MARK1: variants seen among roughly 807,000 people sequenced by gnomAD.
MARK1 encodes the protein microtubule affinity regulating kinase 1.
A neutral mutation model predicts 96.3 loss-of-function variants in MARK1; 40 were observed. The ratio of observed to expected loss-of-function variants is 0.42; its 90% confidence interval spans 0.32 to 0.54. MARK1 has a LOEUF of 0.54. MARK1 is among the 20% of genes least tolerant of loss of function. MARK1 has a pLI of 0.16. For synonymous variants in MARK1, 317 were observed against 341.2 expected (o/e 0.93, Z 0.78); for missense variants, 719 against 984.6 (o/e 0.73, Z 3.61).
At chr1:220,597,202 T>A (rs1309363808) in intron 3 of MARK1, among the ~76,000 whole-genome samples, 3 of 152,168 alleles carry the variant, frequency 2.0e-5, no homozygotes, top group Non-Finnish European at 4.4e-5. Flanking sequence ...GAGTCTCTGC[T>A]TTCAATTCTT....
chr1:220,645,175 A>T (rs1214957539), intron 13 of MARK1, among the ~76,000 whole-genome samples: 1 of 152,162 alleles, frequency 6.6e-6, no homozygotes, highest in Non-Finnish European at 1.5e-5. Flanking sequence ...CACTAGGTAG[A>T]CTAATAAAGA....
rs1365814603 is a variant in MARK1 at position 220,598,346 on chromosome 1, C to T, written c.325C>T (p.Arg109Ter). 1.7e-6 allele frequency: 1 copy of T among 590,838 alleles called. No homozygotes were observed. Among genetic ancestry groups the T allele is most frequent in the Admixed American group, 2.6e-5 (1 of 38,602 alleles). 36.6% of individuals were successfully genotyped at this position (590,838 alleles called of 1,614,324 possible). A position where few individuals can be genotyped will look rare whatever the true frequency, so the allele number is the denominator to read the frequency against. The stretch of plus-strand genomic sequence containing the variant: ...TCTTTAACAGTTATTTCGAGAAGTA[C>T]GAATAATGAAGATACTGAATCATCC... ...TSLQKLFREV[R>*]IMKILNHPNI... Residue 109 changes from arginine to a stop codon, truncating the protein, a stop_gained, in exon 4 of 18, where the codon CGA becomes TGA. Coordinates refer to ENST00000366917, the MANE Select transcript of MARK1 (RefSeq NM_018650.5). LOFTEE classifies it high-confidence loss of function.
intron 1 of MARK1, among the ~76,000 whole-genome samples, chr1:220,578,279 A>ACAAAGCTAGACAAGAGCAGGAACAAT (rs1187490655): frequency 3.3e-5 from 5 of 152,356 alleles, no homozygotes; most frequent in African/African-American, 1.2e-4. Flanking sequence ...CAAAATGCAG[A>ACAAAGCTAGACAAGAGCAGGAACAAT]CAAAGCTAGA....
In MARK1 at chr1:220,631,153, T is replaced by C. The variant is rs1667661441; in HGVS notation, c.1009+19T>C. On this transcript the variant is annotated intron_variant, in intron 10 of 17. Transcript: ENST00000366917. ...AGAATAGGTAAGTATTTAAACATGG[T>C]AAGAAGTGCTGTCCCTAGGCAACAA... 1.3e-6 allele frequency: 2 copies of C among 1,545,080 alleles called. No homozygotes were observed. The highest frequency in any genetic ancestry group is 8.9e-7 in the Non-Finnish European group (1 of 1,118,416).
At position 220,618,215 on chromosome 1, in the gene MARK1, AAGAG is replaced by A; in HGVS notation, c.553-93_553-90del. 1 of 760,810 alleles carries A rather than the reference AAGAG, an allele frequency of 1.3e-6. No homozygotes were observed. Among genetic ancestry groups the A allele is most frequent in the Non-Finnish European group, 2.2e-6 (1 of 456,878 alleles). 47.1% of individuals were successfully genotyped at this position (760,810 alleles called of 1,614,324 possible). On this transcript the variant is annotated intron_variant, in intron 7 of 17. Coordinates refer to ENST00000366917, the MANE Select transcript of MARK1 (RefSeq NM_018650.5). This position sits in a 1 kb window ranked among gnomAD's most constrained non-coding sequence, Gnocchi z 4.6. ...GATACTACATTTAGAAATGAGGGGC[AAGAG>A]ATATGTAAGTTTGGAAGCTAAAACT... is the stretch of plus-strand genomic sequence containing the variant.
At chr1:220,573,809 TGTAGTATATA>T (rs1663647482) in intron 1 of MARK1, among the ~76,000 whole-genome samples, 1 of 71,790 alleles carries the variant, frequency 1.4e-5, no homozygotes, top group African/African-American at 3.8e-5. Flanking sequence ...GTAGTATATA[TGTAGTATATA>T]TTGTAGTATA....
At chr1:220,620,731 T>C (rs1667010671) in intron 9 of MARK1, among the ~76,000 whole-genome samples, 1 of 152,146 alleles carries the variant, frequency 6.6e-6, no homozygotes, top group Non-Finnish European at 1.5e-5. Flanking sequence ...CTCATTCTAA[T>C]ATATTTCAGT....
intron 10 of MARK1, among the ~76,000 whole-genome samples, chr1:220,631,374 A>G (rs1031209331): frequency 6.6e-6 from 1 of 152,216 alleles, no homozygotes; most frequent in Non-Finnish European, 1.5e-5. Context: ...TAATGTAAAT[A>G]AATCGAATTC....
intron 16 of MARK1, among the ~76,000 whole-genome samples, chr1:220,655,617 A>T (rs539759919): frequency 6.6e-6 from 1 of 152,182 alleles, no homozygotes; most frequent in Non-Finnish European, 1.5e-5. Flanking sequence ...CAGCATTTCC[A>T]GGATTTAACT....
chr1:220,607,830 TTTG>T (rs1014615121), intron 6 of MARK1, among the ~76,000 whole-genome samples: 1 of 151,968 alleles, frequency 6.6e-6, no homozygotes, highest in African/African-American at 2.4e-5. Flanking sequence ...GTTTTCATTG[TTTG>T]TTGTTTATGT....
chr1:220,590,336 G>A (rs1208935940), intron 3 of MARK1, among the ~76,000 whole-genome samples: 1 of 152,188 alleles, frequency 6.6e-6, no homozygotes, highest in African/African-American at 2.4e-5. Flanking sequence ...TGACTTAACA[G>A]AAATTTTCTC....
intron 3 of MARK1, among the ~76,000 whole-genome samples, chr1:220,582,481 TA>T (rs1028144829): frequency 6.6e-6 from 1 of 152,200 alleles, no homozygotes; most frequent in African/African-American, 2.4e-5. Flanking sequence ...GGAACCCACT[TA>T]AAATGCACAA....
rs1403061203 is a variant in MARK1 at position 220,654,512 on chromosome 1, C to G, written c.1988+1160C>G. 6.6e-6 allele frequency among the ~76,000 whole-genome samples: 1 copy of G among 152,102 alleles called. No individual in the cohort carries two copies. The highest frequency in any genetic ancestry group is 2.4e-5 in the African/African-American group (1 of 41,408). The stretch of plus-strand genomic sequence containing the variant: ...CCTCAAATGTAACATAAATTTCTAA[C>G]CATATCAGTCAGTGACTTTGTACCA... On this transcript the variant is annotated intron_variant, in intron 16 of 17. Coordinates refer to ENST00000366917, the MANE Select transcript of MARK1 (RefSeq NM_018650.5). This position sits in a 1 kb window ranked among gnomAD's most constrained non-coding sequence, Gnocchi z 4.0.
chr1:220,656,017 C>T (rs1192063137), intron 16 of MARK1, among the ~76,000 whole-genome samples: 1 of 152,190 alleles, frequency 6.6e-6, no homozygotes, highest in East Asian at 1.9e-4. Flanking sequence ...CTGCATGGCT[C>T]ACTTCTACAC....
At chr1:220,592,360 A>G (rs940026338) in intron 3 of MARK1, among the ~76,000 whole-genome samples, 5 of 151,930 alleles carry the variant, frequency 3.3e-5, no homozygotes, top group Admixed American at 6.6e-5. Context: ...CTTGGCAAGG[A>G]CCTATGTACA....
Position 220,635,440 on chromosome 1 carries a change from T to G in MARK1, c.1187T>G (p.Leu396Ter). The G allele has an allele frequency of 1.2e-6, 2 of 1,613,682 alleles. No individual in the cohort carries two copies. Among genetic ancestry groups the G allele is most frequent in the South Asian group, 1.1e-5 (1 of 91,040 alleles). Residue 396 changes from leucine (L) to a stop codon, truncating the protein, a stop_gained, in exon 12 of 18, where the codon TTA (leucine) becomes TGA (stop). Transcript: ENST00000366917. LOFTEE classifies it high-confidence loss of function. ...CAGAGGTCCCGGCCCAGTAGTGACTTAAACAACAGCACTCTTCAGTCCCCT... is the reference window on the plus strand; with the variant it reads ...CAGAGGTCCCGGCCCAGTAGTGACTGAAACAACAGCACTCTTCAGTCCCCT... ...LCQRSRPSSD[L>*]NNSTLQSPAH...
At chr1:220,604,339 T>A (rs6672055) in intron 6 of MARK1, among the ~76,000 whole-genome samples, 1,964 of 152,124 alleles carry the variant, frequency 0.013, 22 homozygotes, top group Middle Eastern at 0.037. Flanking sequence ...ATTTTCAGAT[T>A]GTCATAAAGA....
chr1:220,566,432 T>A (rs763949571), intron 1 of MARK1, among the ~76,000 whole-genome samples: 41 of 152,212 alleles, frequency 2.7e-4, no homozygotes, highest in Non-Finnish European at 5.4e-4. Flanking sequence ...AGTTTGGATC[T>A]CCATCTGCAG....
chr1:220,644,871 G>T (rs900041205), intron 13 of MARK1, among the ~76,000 whole-genome samples: 11 of 152,148 alleles, frequency 7.2e-5, no homozygotes, highest in African/African-American at 2.4e-4. Context: ...GAAATTCTTT[G>T]AAACTAATGA....
Sources: allele counts gnomAD v4.1 joint callset (sites outside exome capture counted in the v4.1 genomes callset), GRCh38; gene constraint gnomAD v4.1.1; non-coding constraint Gnocchi (gnomAD v3.1); transcripts MANE v1.5; gene names NCBI Gene and HGNC (gene_info 2026-07-23, HGNC 2026-07-21).